The following CHAF1A variants were observed in gnomAD, a reference collection of about 807,000 sequenced individuals.
The protein encoded by CHAF1A is CAF-1 subunit A.
CHAF1A carries 5 observed loss-of-function variants against 93.2 expected under a neutral mutation model. The ratio of observed to expected loss-of-function variants is 0.05; its 90% CI spans 0.03 to 0.11. CHAF1A has a LOEUF of 0.11. Ranked by LOEUF, CHAF1A falls within the 10% of genes least tolerant of loss-of-function variation. CHAF1A has a pLI of 1.00. For synonymous variants in CHAF1A, 504 were observed against 510.3 expected (o/e 0.99, Z 0.17); for missense variants, 1,102 against 1,259.9 (o/e 0.87, Z 1.90).
chr19:4,437,332 G>A (rs1311631486), intron 13 of CHAF1A, among the ~76,000 whole-genome samples: 2 of 152,080 alleles, frequency 1.3e-5, no homozygotes, highest in Non-Finnish European at 1.5e-5. Context: ...ACATGAGCCC[G>A]GATGGGACAT....
chr19:4,450,299 G>C, the CHAF1A span: 1 of 149,546 alleles, frequency 6.7e-6, no homozygotes, highest in South Asian at 2.1e-4. Flanking sequence ...GCATTTCTAA[G>C]AATGACCCCA....
chr19:4,402,838 G>A (rs1973608035), intron 1 of CHAF1A, 24 bp downstream of exon 1: 1 of 1,194,548 alleles, frequency 8.4e-7, no homozygotes, highest in Non-Finnish European at 1.0e-6. Flanking sequence ...CGCGCCGAGG[G>A]GAAGGGGGGG....
At chr19:4,430,525 CTCT>C in intron 10 of CHAF1A, 21 bp from the exon 11 acceptor site, 3 of 1,497,244 alleles carry the variant, frequency 2.0e-6, no homozygotes, top group Non-Finnish European at 2.8e-6. Context: ...ATCTGATGAA[CTCT>C]TTTTTTTTTC....
chr19:4,417,125 C>G (rs1973909044), intron 3 of CHAF1A, among the ~76,000 whole-genome samples: 1 of 152,104 alleles, frequency 6.6e-6, no homozygotes, highest in African/African-American at 2.4e-5. Context: ...ATGTGCACCA[C>G]AACACCCGAC....
intron 14 of CHAF1A, 60 bp downstream of exon 14, chr19:4,442,401 A>C (rs745617357): frequency 2.2e-6 from 3 of 1,363,894 alleles, no homozygotes; most frequent in African/African-American, 1.4e-5. Flanking sequence ...GGTAAACCTC[A>C]ACAGAGAAGG....
At position 4,433,358 on chromosome 19, in the gene CHAF1A, A is replaced by G. The variant is rs1430526816; in HGVS notation, c.2492A>G (p.Glu831Gly). Residue 831 changes from glutamate (E) to glycine (G), a missense_variant, in exon 13 of 15, where the codon GAG (glutamate) becomes GGG (glycine). Transcript: ENST00000301280. This position sits in a 1 kb window ranked among gnomAD's most constrained non-coding sequence, Gnocchi z 5.6. ...HPQVLQSFQQ[E>G]HLPVPCQWSY... ...CAGGTGCTACAGAGCTTCCAGCAGGAGCACCTGCCCGTGCCGTGCCAGTGG... is the reference window on the plus strand; with the variant it reads ...CAGGTGCTACAGAGCTTCCAGCAGGGGCACCTGCCCGTGCCGTGCCAGTGG... 6.2e-7 allele frequency: 1 copy of G among 1,612,986 alleles called. No homozygotes were observed. Among genetic ancestry groups the G allele is most frequent in the South Asian group, 1.1e-5 (1 of 91,068 alleles).
At chr19:4,436,136 T>TC (rs199797940) in intron 13 of CHAF1A, among the ~76,000 whole-genome samples, 10 of 143,110 alleles carry the variant, frequency 7.0e-5, no homozygotes, top group African/African-American at 1.9e-4. Context: ...AAGATTCTAG[T>TC]CCCCCAAAAA....
Position 4,409,275 on chromosome 19 carries a change from G to C in CHAF1A, c.476G>C (p.Gly159Ala). 6.2e-7 allele frequency: 1 copy of C among 1,614,130 alleles called. No individual in the cohort carries two copies. The highest frequency in any genetic ancestry group is 8.5e-7 in the Non-Finnish European group (1 of 1,180,008). Residue 159 changes from glycine to alanine, a missense_variant, in exon 3 of 15, where the codon GGG becomes GCG. By Grantham distance (60) the Gly-to-Ala change is moderately conservative. Coordinates refer to ENST00000301280, the MANE Select transcript of CHAF1A (RefSeq NM_005483.3). ...CGAGAAGACACTGGGGATCAGCAGG[G>C]GTTGTTGAAGGCCATTCAGAACGAC... ...GQREDTGDQQGLLKAIQNDKL... is the reference protein window; with the variant it reads ...GQREDTGDQQALLKAIQNDKL...
At position 4,415,333 on chromosome 19, in the gene CHAF1A, G is replaced by T. The variant is rs141532076; in HGVS notation, c.961-2687G>T. On this transcript the variant is annotated intron_variant, in intron 3 of 14. Coordinates refer to ENST00000301280, the MANE Select transcript of CHAF1A (RefSeq NM_005483.3). Reference sequence around the variant, plus strand: ...TTGGTTGTTGGATATTACTGAGCGGGCTCTTGCCAGTCACATCAAGTCTGT... The same window carrying T: ...TTGGTTGTTGGATATTACTGAGCGGTCTCTTGCCAGTCACATCAAGTCTGT... 2.8e-3 allele frequency among the ~76,000 whole-genome samples: 426 copies of T among 152,292 alleles called. 7 individuals are homozygous for T. The highest frequency in any genetic ancestry group is 9.8e-3 in the African/African-American group (406 of 41,554).
chr19:4,437,355 C>T (rs1405337198), intron 13 of CHAF1A, among the ~76,000 whole-genome samples: 2 of 152,006 alleles, frequency 1.3e-5, no homozygotes, highest in Non-Finnish European at 2.9e-5. Context: ...GCCCTGGCAT[C>T]CTCTGTTTTT....
intron 3 of CHAF1A, among the ~76,000 whole-genome samples, chr19:4,412,704 A>C (rs1037402282): frequency 2.6e-5 from 4 of 152,248 alleles, no homozygotes; most frequent in Non-Finnish European, 5.9e-5. Flanking sequence ...CCCAGTGTGC[A>C]ACATTTAGGA....
downstream of CHAF1A, chr19:4,448,240 AG>A (rs1171951828): frequency 6.9e-6 from 9 of 1,313,728 alleles, no homozygotes; most frequent in Non-Finnish European, 7.4e-6. Flanking sequence ...AGGGGGCCAG[AG>A]GGGGTGACAG....
intron 13 of CHAF1A, among the ~76,000 whole-genome samples, chr19:4,440,952 G>C (rs1387540852): frequency 2.7e-5 from 4 of 147,830 alleles, no homozygotes; most frequent in African/African-American, 7.5e-5. Flanking sequence ...ACCCCCGTCT[G>C]TACTAAAAAT....
chr19:4,446,175 C>G, downstream of CHAF1A: 2 of 1,608,428 alleles, frequency 1.2e-6, no homozygotes, highest in South Asian at 2.2e-5. Flanking sequence ...CCGCCCCCAG[C>G]CGCTCCCGAG....
chr19:4,408,405 G>A (rs1973722954), intron 2 of CHAF1A, among the ~76,000 whole-genome samples: 1 of 145,714 alleles, frequency 6.9e-6, no homozygotes, highest in African/African-American at 2.6e-5. Context: ...TGTTAGCCAG[G>A]ATGGTCTCGA....
intron 9 of CHAF1A, 51 bp downstream of exon 9, chr19:4,429,657 T>C: frequency 6.2e-7 from 1 of 1,613,956 alleles, no homozygotes; most frequent in Non-Finnish European, 8.5e-7. Flanking sequence ...ACTGTGCCCC[T>C]TTCCTCCAGC....
intron 14 of CHAF1A, 77 bp from the exon 15 acceptor site, chr19:4,442,848 G>A (rs1974419390): frequency 9.0e-7 from 1 of 1,106,192 alleles, no homozygotes; most frequent in South Asian, 1.6e-5. Context: ...GGCCCCATGA[G>A]GCAGCAGGGT....
At chr19:4,408,460 C>CTTTTTT (rs1568429224) in intron 2 of CHAF1A, among the ~76,000 whole-genome samples, 1 of 51,768 alleles carries the variant, frequency 1.9e-5, no homozygotes, top group Non-Finnish European at 3.3e-5. Flanking sequence ...CCGCACCCGG[C>CTTTTTT]CTTTTTTTTT....
chr19:4,433,548 G>A lies in CHAF1A; in HGVS notation c.2673+9G>A, dbSNP rs772318717. Reference sequence around the variant, plus strand: ...GCAGGCACGACGGCCAGGTGAGGTGGGGTGGGCAGGTGGGGGCCTCTGCAG... The same window carrying A: ...GCAGGCACGACGGCCAGGTGAGGTGAGGTGGGCAGGTGGGGGCCTCTGCAG... On this transcript the variant is annotated intron_variant, in intron 13 of 14. Transcript: ENST00000301280. This position sits in a 1 kb window ranked among gnomAD's most constrained non-coding sequence, Gnocchi z 5.6. 1 of 1,560,510 alleles carries A rather than the reference G, an allele frequency of 6.4e-7. No homozygotes were observed. The highest frequency in any genetic ancestry group is 1.2e-5 in the South Asian group (1 of 86,646).
Sources: gnomAD v4.1 joint callset for allele counts (sites outside exome capture counted in the v4.1 genomes callset) on GRCh38, gnomAD v4.1.1 for gene constraint, Gnocchi (gnomAD v3.1) non-coding constraint, MANE v1.5 for transcripts, NCBI Gene and HGNC (gene_info 2026-07-23, HGNC 2026-07-21) for gene names.